The following ALDH1L1 variants were observed in gnomAD, a reference collection of about 807,000 sequenced individuals.
ALDH1L1 encodes the protein aldehyde dehydrogenase 1 family member L1, also known as cytosolic 10-formyltetrahydrofolate dehydrogenase.
ALDH1L1 carries 68 observed loss-of-function variants against 101.1 expected under a neutral mutation model. The observed-to-expected ratio is 0.67, with a 90% CI of 0.55 to 0.82. The LOEUF (loss-of-function observed/expected upper bound fraction) is 0.82, where lower values mean the gene tolerates loss of function less well. Among genes scored for constraint, ALDH1L1 ranks in the 40% least tolerant of loss-of-function variants. The pLI, the probability that ALDH1L1 is intolerant of heterozygous loss-of-function variation, is 0.00. For missense variants in ALDH1L1, 1,087 were observed against 1,172.7 expected, an observed-to-expected ratio of 0.93 and a Z score of 1.07; for synonymous variants, 486 against 470.8, an observed-to-expected ratio of 1.03 and a Z score of -0.42.
intron 4 of ALDH1L1, 114 bp downstream of exon 4, chr3:126,157,229 A>G (rs564623985): frequency 4.2e-5 from 56 of 1,327,164 alleles, no homozygotes; most frequent in Admixed American, 9.1e-5. Flanking sequence ...CTCCCTCCAG[A>G]ATCCTGAATT....
At chr3:126,172,567 A>C (rs1389803051) in intron 1 of ALDH1L1, among the ~76,000 whole-genome samples, 1 of 152,222 alleles carries the variant, frequency 6.6e-6, no homozygotes, top group Admixed American at 6.5e-5. Context: ...ACAAAACAGA[A>C]TATCCAAGAA....
intron 1 of ALDH1L1, among the ~76,000 whole-genome samples, chr3:126,178,567 A>C (rs1294390007): frequency 6.6e-6 from 1 of 152,188 alleles, no homozygotes; most frequent in Admixed American, 6.5e-5. Flanking sequence ...CTAGCTCTAT[A>C]GTTCACATCT....
intron 12 of ALDH1L1, among the ~76,000 whole-genome samples, chr3:126,132,135 G>A (rs2080322907): frequency 1.3e-5 from 2 of 152,252 alleles, no homozygotes; most frequent in African/African-American, 4.8e-5. Context: ...TCTGACGGAT[G>A]TGCAGCTGTG....
At chr3:126,128,815 C>T (rs1211718389) in intron 14 of ALDH1L1, 1 of 152,090 alleles carries the variant, frequency 6.6e-6, no homozygotes, top group Non-Finnish European at 1.5e-5. Flanking sequence ...GTTTCCTCCT[C>T]AGTCTGATGG....
At chr3:126,181,093 TACCCGCCTCTCCGAGAGAAA>T, upstream of ALDH1L1, 2 of 1,216,940 alleles carry the variant, frequency 1.6e-6, no homozygotes, top group Non-Finnish European at 2.3e-6. Context: ...GCCCAGTGCC[TACCCGCCTCTCCGAGAGAAA>T]AACAGCCCCT....
chr3:126,132,776 A>G (rs2080340936), intron 12 of ALDH1L1, among the ~76,000 whole-genome samples: 1 of 150,686 alleles, frequency 6.6e-6, no homozygotes, highest in Non-Finnish European at 1.5e-5. Context: ...ACAGACATTC[A>G]GGTAGATGAT....
intron 12 of ALDH1L1, among the ~76,000 whole-genome samples, chr3:126,132,446 C>T (rs545729183): frequency 2.6e-5 from 4 of 152,244 alleles, no homozygotes; most frequent in Non-Finnish European, 5.9e-5. Flanking sequence ...CCTGGCCAAG[C>T]AGCTCCTGGC....
chr3:126,134,557 C>T (rs560317654), intron 12 of ALDH1L1, among the ~76,000 whole-genome samples: 1 of 152,216 alleles, frequency 6.6e-6, no homozygotes, highest in Admixed American at 6.5e-5. Flanking sequence ...TGGGCATGCC[C>T]GACCCCCACA....
At chr3:126,143,980 C>T (rs1459011367) in intron 9 of ALDH1L1, among the ~76,000 whole-genome samples, 2 of 151,976 alleles carry the variant, frequency 1.3e-5, no homozygotes, top group Non-Finnish European at 2.9e-5. Flanking sequence ...TCTGCACCTC[C>T]AAAAAACTGT....
intron 12 of ALDH1L1, among the ~76,000 whole-genome samples, chr3:126,134,355 A>AC (rs2080378189): frequency 6.6e-6 from 1 of 152,060 alleles, no homozygotes; most frequent in Non-Finnish European, 1.5e-5. Flanking sequence ...CAAGGGAGGG[A>AC]CCCCACGCAC....
intron 12 of ALDH1L1, 157 bp downstream of exon 12, chr3:126,135,378 G>T (rs767449843): frequency 1.3e-4 from 122 of 948,002 alleles, no homozygotes; most frequent in Non-Finnish European, 8.3e-5. Flanking sequence ...CTCAGGCAAG[G>T]AGCCCCAGCC....
chr3:126,118,116 G>C lies in ALDH1L1; in HGVS notation c.1889-18C>G, dbSNP rs767896181. On this transcript the variant is annotated intron_variant, in intron 16 of 22. Transcript: ENST00000393434. Reference sequence around the variant, plus strand: ...CAGGGAGCCTGTGGGCGGGAGGGAGGGGGGAATCAGAGTGGTCCCCCTGGT... The same window carrying C: ...CAGGGAGCCTGTGGGCGGGAGGGAGCGGGGAATCAGAGTGGTCCCCCTGGT... 6 of 1,599,304 alleles carry C rather than the reference G, an allele frequency of 3.8e-6. No homozygotes were observed. Among genetic ancestry groups the C allele is most frequent in the Middle Eastern group, 1.7e-4 (1 of 5,960 alleles).
rs557729538 is a variant in ALDH1L1, at chr3:126,124,403, C to T, written c.1849G>A (p.Gly617Ser). 2.0e-5 allele frequency: 33 copies of T among 1,612,634 alleles called. No individual in the cohort carries two copies. The South Asian group carries it at 3.0e-4, about 15-fold the overall frequency. ...LKFAELTLKA[G>S]IPKGVVNVLP... ...ACGTTAACCACACCTTTGGGAATGC[C>T]GGCCTTTAATGTCAGCTCTGCAAAC... The change falls in exon 16 of 23, where the codon GGC (glycine) becomes AGC (serine). Residue 617 changes from glycine to serine, a missense_variant. Coordinates refer to ENST00000393434, the MANE Select transcript of ALDH1L1 (RefSeq NM_012190.4).
upstream of ALDH1L1, among the ~76,000 whole-genome samples, chr3:126,182,993 C>G (rs2081489524): frequency 6.6e-6 from 1 of 152,136 alleles, no homozygotes; most frequent in African/African-American, 2.4e-5. Flanking sequence ...TGAAAATGTC[C>G]AGCTTCTCCA....
chr3:126,125,550 T>C, intron 15 of ALDH1L1, 66 bp downstream of exon 15: 2 of 1,299,606 alleles, frequency 1.5e-6, no homozygotes, highest in Non-Finnish European at 2.1e-6. Flanking sequence ...CCTTCCTCCC[T>C]TATAGAGTGA....
intron 1 of ALDH1L1, among the ~76,000 whole-genome samples, chr3:126,177,464 A>G (rs993758438): frequency 6.6e-6 from 1 of 152,224 alleles, no homozygotes; most frequent in African/African-American, 2.4e-5. Flanking sequence ...TGGAAAGGCT[A>G]TATACCATAT....
At chr3:126,141,567 T>C (rs6438978) in intron 9 of ALDH1L1, among the ~76,000 whole-genome samples, 33,949 of 151,732 alleles carry the variant, frequency 0.22, 4,602 homozygotes, top group African/African-American at 0.39. Context: ...GGAAAATCCA[T>C]AAAGATATGA....
intron 16 of ALDH1L1, among the ~76,000 whole-genome samples, chr3:126,120,047 C>G (rs371952036): frequency 3.3e-5 from 5 of 152,210 alleles, no homozygotes; most frequent in African/African-American, 1.2e-4. Flanking sequence ...AATGGCACAG[C>G]CAGTCGGGAA....
At chr3:126,178,675 A>T (rs975129194) in intron 1 of ALDH1L1, among the ~76,000 whole-genome samples, 1 of 152,182 alleles carries the variant, frequency 6.6e-6, no homozygotes, top group Non-Finnish European at 1.5e-5. Context: ...GTAAATATTG[A>T]GTTATACAAA....
Sources: gnomAD v4.1 joint callset for allele counts (sites outside exome capture counted in the v4.1 genomes callset) on GRCh38, gnomAD v4.1.1 for gene constraint, MANE v1.5 for transcripts, NCBI Gene and HGNC (gene_info 2026-07-23, HGNC 2026-07-21) for gene names.